KIAA0319L: variants seen among roughly 807,000 people sequenced by gnomAD.
KIAA0319L encodes dyslexia-associated protein KIAA0319-like protein.
Under a neutral mutation model 120.1 loss-of-function variants are expected in KIAA0319L, and 55 were observed. The ratio of observed to expected loss-of-function variants is 0.46; its 90% CI spans 0.37 to 0.57. The LOEUF (loss-of-function observed/expected upper bound fraction) is 0.57. Among genes scored for constraint, KIAA0319L ranks in the 20% least tolerant of loss-of-function variants. The pLI is 0.00. For synonymous variants in KIAA0319L, 398 were observed against 471.9 expected, an observed-to-expected ratio of 0.84 and a Z score of 2.03; for missense variants, 1,049 against 1,255.3, an observed-to-expected ratio of 0.84 and a Z score of 2.48.
intron 2 of KIAA0319L, among the ~76,000 whole-genome samples, chr1:35,520,394 G>A (rs895608965): frequency 5.3e-5 from 8 of 151,822 alleles, no homozygotes; most frequent in African/African-American, 1.7e-4. Flanking sequence ...CACTGCACCC[G>A]GCCTCTTTTT....
intron 2 of KIAA0319L, among the ~76,000 whole-genome samples, chr1:35,534,787 A>AG (rs1239531274): frequency 1.4e-5 from 2 of 139,494 alleles, no homozygotes; most frequent in Non-Finnish European, 3.1e-5. Context: ...TGAACCTGGG[A>AG]GGCAGAGCTT....
chr1:35,460,101 T>C (rs1402871985), intron 9 of KIAA0319L, among the ~76,000 whole-genome samples: 2 of 152,196 alleles, frequency 1.3e-5, no homozygotes, highest in African/African-American at 4.8e-5. Flanking sequence ...TGATCTACTA[T>C]ACAAGAACCT....
intron 2 of KIAA0319L, among the ~76,000 whole-genome samples, chr1:35,519,128 T>C (rs980160655): frequency 3.9e-5 from 6 of 152,160 alleles, no homozygotes; most frequent in African/African-American, 1.2e-4. Context: ...TAAAATTATC[T>C]TGATTTAACA....
intron 6 of KIAA0319L, among the ~76,000 whole-genome samples, chr1:35,467,453 A>G (rs1296362631): frequency 6.6e-6 from 1 of 152,156 alleles, no homozygotes; most frequent in East Asian, 1.9e-4. Flanking sequence ...CACATATTAA[A>G]ATAATAGTTG....
At chr1:35,464,664 C>A (rs547182454) in intron 7 of KIAA0319L, among the ~76,000 whole-genome samples, 44 of 152,340 alleles carry the variant, frequency 2.9e-4, no homozygotes, top group African/African-American at 1.0e-3. Context: ...GAAAGTTAAT[C>A]CCCAAGAAAA....
intron 3 of KIAA0319L, among the ~76,000 whole-genome samples, chr1:35,488,890 T>A (rs754638728): frequency 6.6e-6 from 1 of 152,010 alleles, no homozygotes; most frequent in African/African-American, 2.4e-5. Flanking sequence ...TGGCTGAGGA[T>A]TAGATGTAAG....
chr1:35,451,223 G>A (rs149411882), intron 13 of KIAA0319L, among the ~76,000 whole-genome samples: 8 of 152,330 alleles, frequency 5.3e-5, no homozygotes, highest in East Asian at 1.9e-4. Flanking sequence ...TAGTGCGGCC[G>A]TCATTCTCAA....
intron 3 of KIAA0319L, among the ~76,000 whole-genome samples, chr1:35,479,655 C>T (rs764938977): frequency 3.3e-5 from 5 of 152,004 alleles, no homozygotes; most frequent in Non-Finnish European, 7.4e-5. Flanking sequence ...CCTGTACTCC[C>T]AACACTTTGG....
chr1:35,518,931 G>C (rs898337785), intron 2 of KIAA0319L, among the ~76,000 whole-genome samples: 1 of 149,598 alleles, frequency 6.7e-6, no homozygotes, highest in African/African-American at 2.5e-5. Flanking sequence ...TTGAACCCAG[G>C]AGGCGGAGGT....
intron 3 of KIAA0319L, among the ~76,000 whole-genome samples, chr1:35,491,593 T>TTG (rs1261250554): frequency 2.0e-5 from 3 of 152,156 alleles, no homozygotes; most frequent in Admixed American, 6.5e-5. Flanking sequence ...CAACTTGGAT[T>TTG]TGTTTAAACA....
At chr1:35,446,779 A>G (rs1053478341) in intron 16 of KIAA0319L, among the ~76,000 whole-genome samples, 2 of 152,010 alleles carry the variant, frequency 1.3e-5, no homozygotes, top group African/African-American at 4.8e-5. Context: ...GTCCTTATCC[A>G]TCTTAGCTCT....
intron 5 of KIAA0319L, among the ~76,000 whole-genome samples, chr1:35,474,588 A>G (rs952732892): frequency 2.6e-5 from 4 of 152,216 alleles, no homozygotes; most frequent in Non-Finnish European, 5.9e-5. Flanking sequence ...TAAATTTGTA[A>G]CTTAAAAAAA....
intron 5 of KIAA0319L, among the ~76,000 whole-genome samples, chr1:35,471,843 A>G (rs2149126762): frequency 6.6e-6 from 1 of 152,346 alleles, no homozygotes; most frequent in East Asian, 1.9e-4. Context: ...ACCTAATTCC[A>G]AGATATCCTT....
At chr1:35,505,277 G>A (rs534850557) in intron 3 of KIAA0319L, among the ~76,000 whole-genome samples, 5 of 152,070 alleles carry the variant, frequency 3.3e-5, no homozygotes, top group African/African-American at 7.2e-5. Context: ...ATAGTACCTC[G>A]CAAGTAAATA....
At chr1:35,492,309 T>C (rs368934390) in intron 3 of KIAA0319L, among the ~76,000 whole-genome samples, 11 of 150,946 alleles carry the variant, frequency 7.3e-5, no homozygotes, top group African/African-American at 2.4e-4. Flanking sequence ...AGGTCAGGAG[T>C]TCAAGACCAG....
intron 8 of KIAA0319L, 92 bp from the exon 9 acceptor site, chr1:35,460,529 T>A: frequency 2.6e-6 from 3 of 1,176,078 alleles, no homozygotes; most frequent in Non-Finnish European, 3.6e-6. Flanking sequence ...ACCCAGAGAT[T>A]TGAAGCTAGG....
At chr1:35,549,388 T>C (rs1024628974) in intron 2 of KIAA0319L, among the ~76,000 whole-genome samples, 8 of 152,176 alleles carry the variant, frequency 5.3e-5, no homozygotes, top group Non-Finnish European at 1.2e-4. Flanking sequence ...AGGATTGTAT[T>C]GTACTAATCT....
At chr1:35,555,561 G>C (rs914540980) in intron 1 of KIAA0319L, among the ~76,000 whole-genome samples, 2 of 152,210 alleles carry the variant, frequency 1.3e-5, no homozygotes, top group African/African-American at 4.8e-5. Flanking sequence ...CCTATTTCTA[G>C]TTGTTTTGTA....
Position 35,534,012 on chromosome 1 carries a change from C to T in KIAA0319L, c.142+20338G>A, listed in dbSNP as rs553234815. 6.6e-5 allele frequency among the ~76,000 whole-genome samples: 10 copies of T among 152,288 alleles called. No individual in the cohort carries two copies. The East Asian group carries it at 1.5e-3, about 23-fold the overall frequency. ...CTTTGAAGGACACAATCAGGTATTA[C>T]GAAGTTTGAAAAAAGCCAAGGTAAT... On this transcript the variant is annotated intron_variant, in intron 2 of 20. Coordinates refer to ENST00000325722, the MANE Select transcript of KIAA0319L (RefSeq NM_024874.5).
Sources: gnomAD v4.1 joint callset for allele counts (sites outside exome capture counted in the v4.1 genomes callset) on GRCh38, gnomAD v4.1.1 for gene constraint, MANE v1.5 for transcripts, NCBI Gene and HGNC (gene_info 2026-07-23, HGNC 2026-07-21) for gene names.